NEK7: variants seen among roughly 807,000 people sequenced by gnomAD.
NEK7 encodes NIMA related kinase 7.
NEK7 carries 18 observed loss-of-function variants against 44.6 expected under a neutral mutation model. That is an observed-to-expected ratio of 0.40 (90% CI 0.28 to 0.60). The LOEUF (loss-of-function observed/expected upper bound fraction) is 0.60, where lower values mean the gene tolerates loss of function less well. Ranked by LOEUF, NEK7 falls within the 20% of genes least tolerant of loss-of-function variation. NEK7 has a pLI of 0.38. For missense variants in NEK7, 256 were observed against 366.5 expected (o/e 0.70, Z 2.46); for synonymous variants, 130 against 121.1 (o/e 1.07, Z -0.48).
At position 198,228,583 on chromosome 1, in the gene NEK7, C is replaced by T. The variant is rs568911164; in HGVS notation, c.-28-3970C>T. Among the ~76,000 whole-genome samples, 8 of 152,178 alleles carry T rather than the reference C, an allele frequency of 5.3e-5. No homozygotes were observed. In the East Asian group the frequency reaches 5.8e-4, roughly 11 times the overall value. On this transcript the variant is annotated intron_variant, in intron 1 of 9. Transcript: ENST00000367385. The stretch of plus-strand genomic sequence containing the variant: ...TAGTTCTCCTTGAAGAGGTCCTTCA[C>T]GTCCCTTGTAAGTTGGATTCCTAGG...
At chr1:198,178,717 TG>T (rs1231115195) in intron 1 of NEK7, among the ~76,000 whole-genome samples, 1 of 151,990 alleles carries the variant, frequency 6.6e-6, no homozygotes, top group African/African-American at 2.4e-5. Context: ...GTTGTTGTCA[TG>T]GAATACAGAT....
At chr1:198,205,861 A>T (rs953568590) in intron 1 of NEK7, among the ~76,000 whole-genome samples, 28 of 152,236 alleles carry the variant, frequency 1.8e-4, no homozygotes, top group South Asian at 4.1e-4. Flanking sequence ...GTTTAAAAAA[A>T]TTTTTTTAAT....
chr1:198,300,447 C>G (rs1334851729), intron 9 of NEK7, among the ~76,000 whole-genome samples: 1 of 152,192 alleles, frequency 6.6e-6, no homozygotes, highest in East Asian at 1.9e-4. Context: ...TGAAATACCT[C>G]TTTTTCCTGT....
intron 9 of NEK7, among the ~76,000 whole-genome samples, chr1:198,309,888 A>C (rs1319890849): frequency 5.9e-5 from 9 of 152,132 alleles, no homozygotes; most frequent in Non-Finnish European, 2.9e-5. Flanking sequence ...ATTGTGAATA[A>C]TGCCGCAATA....
At chr1:198,288,496 CA>C (rs1161276507) in intron 7 of NEK7, among the ~76,000 whole-genome samples, 1 of 152,106 alleles carries the variant, frequency 6.6e-6, no homozygotes, top group Non-Finnish European at 1.5e-5. Flanking sequence ...TTGTATTTCA[CA>C]GTGGTCAGTT....
chr1:198,258,607 A>G (rs1653352048), intron 3 of NEK7, among the ~76,000 whole-genome samples: 1 of 152,198 alleles, frequency 6.6e-6, no homozygotes, highest in Non-Finnish European at 1.5e-5. Context: ...ATCTAGTGTT[A>G]ACCTTTTCAG....
intron 1 of NEK7, among the ~76,000 whole-genome samples, chr1:198,204,073 T>G (rs774597885): frequency 6.6e-6 from 1 of 151,948 alleles, no homozygotes; most frequent in Non-Finnish European, 1.5e-5. Flanking sequence ...CTGGGCAGCA[T>G]AGCGAGATCC....
chr1:198,194,732 G>T (rs2102775748), intron 1 of NEK7, among the ~76,000 whole-genome samples: 1 of 152,210 alleles, frequency 6.6e-6, no homozygotes, highest in Non-Finnish European at 1.5e-5. Flanking sequence ...GGCCATTTAG[G>T]TTGATTCTAT....
intron 7 of NEK7, among the ~76,000 whole-genome samples, chr1:198,280,961 A>C (rs1654177291): frequency 6.6e-6 from 1 of 151,702 alleles, no homozygotes; most frequent in African/African-American, 2.4e-5. Context: ...TTGAGAAAAA[A>C]TATATCCTTA....
chr1:198,173,978 C>T (rs1441001415), intron 1 of NEK7, among the ~76,000 whole-genome samples: 1 of 152,106 alleles, frequency 6.6e-6, no homozygotes, highest in Non-Finnish European at 1.5e-5. Context: ...AAGACATTCA[C>T]ACAGAGTTTG....
intron 1 of NEK7, among the ~76,000 whole-genome samples, chr1:198,158,976 TA>T (rs1052383213): frequency 3.3e-4 from 50 of 151,700 alleles, no homozygotes; most frequent in Admixed American, 1.8e-3. Flanking sequence ...GCCTGCGAAA[TA>T]AAAAGGCAAA....
chr1:198,314,431 C>T (rs538065594), intron 9 of NEK7, among the ~76,000 whole-genome samples: 21 of 152,356 alleles, frequency 1.4e-4, no homozygotes, highest in African/African-American at 4.8e-4. Context: ...CTTCTCTCAG[C>T]TTGTCAAAGT....
chr1:198,193,578 G>A (rs150252538), intron 1 of NEK7, among the ~76,000 whole-genome samples: 3,741 of 152,196 alleles, frequency 0.025, 148 homozygotes, highest in African/African-American at 0.085. Context: ...CTGGCAAACC[G>A]AATACAGCAG....
chr1:198,313,729 G>A (rs1490709738), intron 9 of NEK7, among the ~76,000 whole-genome samples: 1 of 111,886 alleles, frequency 8.9e-6, no homozygotes, highest in Non-Finnish European at 1.6e-5. Context: ...GAAATTCTGG[G>A]TTGAAAATTC....
At chr1:198,310,419 T>C (rs1655144246) in intron 9 of NEK7, among the ~76,000 whole-genome samples, 1 of 150,748 alleles carries the variant, frequency 6.6e-6, no homozygotes, top group African/African-American at 2.4e-5. Context: ...TGGTAGTTTC[T>C]TTTGCTGTGC....
intron 1 of NEK7, among the ~76,000 whole-genome samples, chr1:198,172,985 A>G (rs74562319): frequency 5.6e-4 from 86 of 152,310 alleles, no homozygotes; most frequent in Admixed American, 8.5e-4. Context: ...AACACTGTCT[A>G]ATAGGCAATT....
At chr1:198,294,979 G>A (rs543702882) in intron 8 of NEK7, among the ~76,000 whole-genome samples, 14 of 151,530 alleles carry the variant, frequency 9.2e-5, no homozygotes, top group African/African-American at 3.4e-4. Flanking sequence ...CACGTATTTT[G>A]TATTGTACCC....
intron 1 of NEK7, among the ~76,000 whole-genome samples, chr1:198,219,016 T>C (rs2102839019): frequency 1.3e-5 from 2 of 151,896 alleles, no homozygotes; most frequent in South Asian, 4.2e-4. Flanking sequence ...TTCAAAGAAC[T>C]CAAAGTTAAT....
At chr1:198,286,012 A>G (rs1019249508) in intron 7 of NEK7, among the ~76,000 whole-genome samples, 1 of 152,166 alleles carries the variant, frequency 6.6e-6, no homozygotes, top group Non-Finnish European at 1.5e-5. Context: ...CATGAGGTTC[A>G]CTGGAGTATT....
Sources: allele counts gnomAD v4.1 joint callset (sites outside exome capture counted in the v4.1 genomes callset), GRCh38; gene constraint gnomAD v4.1.1; transcripts MANE v1.5; gene names NCBI Gene and HGNC (gene_info 2026-07-23, HGNC 2026-07-21).